The following ARIH1 variants were observed in gnomAD, a reference collection of about 807,000 sequenced individuals.
The protein encoded by ARIH1 is ariadne RBR E3 ubiquitin protein ligase 1.
A neutral mutation model predicts 85.0 loss-of-function variants in ARIH1; 8 were observed. That is an observed-to-expected ratio of 0.09 (90% CI 0.06 to 0.17). ARIH1 has a LOEUF of 0.17. Ranked by LOEUF, ARIH1 falls within the 10% of genes least tolerant of loss-of-function variation. The pLI is 1.00. For synonymous variants in ARIH1, 238 were observed against 253.6 expected (o/e 0.94, Z 0.59); for missense variants, 311 against 718.1 (o/e 0.43, Z 6.48).
chr15:72,528,306 T>C (rs924845055), intron 2 of ARIH1, among the ~76,000 whole-genome samples: 1 of 152,174 alleles, frequency 6.6e-6, no homozygotes, highest in African/African-American at 2.4e-5. Flanking sequence ...AGGATTTCAG[T>C]CTTTCCTGGA....
intron 1 of ARIH1, among the ~76,000 whole-genome samples, chr15:72,510,469 A>G (rs1275078955): frequency 6.6e-6 from 1 of 152,068 alleles, no homozygotes; most frequent in African/African-American, 2.4e-5. Flanking sequence ...AAAAATATGT[A>G]CATCTTAATT....
At chr15:72,574,965 G>A (rs2064263996) in intron 11 of ARIH1, among the ~76,000 whole-genome samples, 2 of 142,368 alleles carry the variant, frequency 1.4e-5, no homozygotes, top group African/African-American at 5.1e-5. Context: ...CATGCATGTT[G>A]GTGTGTGCCT....
At chr15:72,478,477 G>C (rs747611012) in intron 1 of ARIH1, among the ~76,000 whole-genome samples, 1 of 152,160 alleles carries the variant, frequency 6.6e-6, no homozygotes, top group Non-Finnish European at 1.5e-5. Flanking sequence ...AAAGAACCCT[G>C]TTCAATTCTG....
intron 3 of ARIH1, among the ~76,000 whole-genome samples, chr15:72,552,254 C>T (rs969379245): frequency 6.6e-6 from 1 of 152,120 alleles, no homozygotes; most frequent in Non-Finnish European, 1.5e-5. Flanking sequence ...GAGGCAAACC[C>T]ACACCAGTGT....
chr15:72,568,723 C>T (rs10518993), intron 9 of ARIH1, among the ~76,000 whole-genome samples: 1 of 152,046 alleles, frequency 6.6e-6, no homozygotes, highest in African/African-American at 2.4e-5. Flanking sequence ...TGTAGAATGA[C>T]GCATATTTTA....
chr15:72,545,325 A>G (rs1187395807), intron 3 of ARIH1, among the ~76,000 whole-genome samples: 7 of 152,244 alleles, frequency 4.6e-5, no homozygotes, highest in Admixed American at 6.5e-5. Flanking sequence ...TTAAATATCC[A>G]GAAACACTCA....
rs2064342122 is a variant in ARIH1 at position 72,591,242 on chromosome 15, AAGAAG to A, written c.*7952_*7956del. 1 of 142,130 alleles carries A rather than the reference AAGAAG, an allele frequency of 7.0e-6. No homozygotes were observed. The highest frequency in any genetic ancestry group is 2.3e-4 in the South Asian group (1 of 4,266). 8.8% of individuals were successfully genotyped at this position (142,130 alleles called of 1,614,324 possible). A position where few individuals can be genotyped will look rare whatever the true frequency, so the allele number is the denominator to read the frequency against. Reference sequence around the variant, plus strand: ...CTCAAAAAAAAAAAAAAAAAAAAAAAAGAAGAAGAAGAAGAAATACAAAACCAACT... The same window carrying A: ...CTCAAAAAAAAAAAAAAAAAAAAAAAAAGAAGAAGAAATACAAAACCAACT... On this transcript the variant is annotated 3_prime_UTR_variant, in exon 14 of 14. Transcript: ENST00000379887.
At chr15:72,489,996 CTG>C (rs1174560899) in intron 1 of ARIH1, among the ~76,000 whole-genome samples, 3 of 151,938 alleles carry the variant, frequency 2.0e-5, no homozygotes, top group Admixed American at 6.6e-5. Flanking sequence ...ATCAAAAGAA[CTG>C]TGAAAAGGAT....
chr15:72,482,694 T>G (rs1386193132), intron 1 of ARIH1, among the ~76,000 whole-genome samples: 1 of 152,106 alleles, frequency 6.6e-6, no homozygotes. Context: ...ACCCCAAAAC[T>G]TAGTGGCTTA....
chr15:72,533,567 C>A (rs1336230908), intron 2 of ARIH1, among the ~76,000 whole-genome samples: 1 of 151,838 alleles, frequency 6.6e-6, no homozygotes, highest in Non-Finnish European at 1.5e-5. Context: ...TTTCTTTGAC[C>A]CAATAATTCC....
chr15:72,564,847 C>T (rs900450741), intron 7 of ARIH1, among the ~76,000 whole-genome samples: 1 of 151,966 alleles, frequency 6.6e-6, no homozygotes, highest in African/African-American at 2.4e-5. Flanking sequence ...CTCTCTGGGC[C>T]CCTTTTTTTT....
intron 2 of ARIH1, among the ~76,000 whole-genome samples, chr15:72,520,594 G>T (rs574716828): frequency 6.6e-6 from 1 of 151,868 alleles, no homozygotes. Context: ...TTTTCTGTTC[G>T]CTTATTCTGT....
At position 72,546,967 on chromosome 15, in the gene ARIH1, G is replaced by A. The variant is rs1201783332; in HGVS notation, c.588+2003G>A. On this transcript the variant is annotated intron_variant, in intron 3 of 13. Coordinates refer to ENST00000379887, the MANE Select transcript of ARIH1 (RefSeq NM_005744.5). ...GGGTGGGACGGAGTCTTGCTCTGTCGCCCAGGCTGGAGTGCAGTGGTGCGA... is the reference window on the plus strand; with the variant it reads ...GGGTGGGACGGAGTCTTGCTCTGTCACCCAGGCTGGAGTGCAGTGGTGCGA... Among the ~76,000 whole-genome samples, 7 of 149,992 alleles carry A rather than the reference G, an allele frequency of 4.7e-5. No individual in the cohort carries two copies. The South Asian group carries it at 8.4e-4, about 18-fold the overall frequency.
chr15:72,558,801 C>G (rs764210611), intron 5 of ARIH1, among the ~76,000 whole-genome samples: 2 of 152,180 alleles, frequency 1.3e-5, no homozygotes, highest in African/African-American at 2.4e-5. Context: ...GATGTTTGCT[C>G]TCACGTCCTG....
At chr15:72,497,447 C>T (rs1261296155) in intron 1 of ARIH1, among the ~76,000 whole-genome samples, 1 of 83,394 alleles carries the variant, frequency 1.2e-5, no homozygotes, top group Non-Finnish European at 3.5e-5. Context: ...GTTATAATAG[C>T]AATTTCTGGC....
Position 72,543,868 on chromosome 15 carries a change from A to C in ARIH1, c.444-952A>C, listed in dbSNP as rs532210600. ...AAAAGTTTTTTTTTTTTTAATATCT[A>C]TTGCTTTTCCCTTTTGAATAGTAAG... On this transcript the variant is annotated intron_variant, in intron 2 of 13. Transcript: ENST00000379887. Among the ~76,000 whole-genome samples the C allele has an allele frequency of 1.8e-3, 271 of 150,736 alleles. 1 individual carries two copies. Among genetic ancestry groups the C allele is most frequent in the Non-Finnish European group, 2.8e-3 (188 of 67,674 alleles).
At chr15:72,561,320 C>G (rs1310656882) in intron 5 of ARIH1, 163 bp from the exon 6 acceptor site, 14 of 557,988 alleles carry the variant, frequency 2.5e-5, no homozygotes, top group Non-Finnish European at 4.1e-5. Flanking sequence ...TTGTTCTGAT[C>G]AGTACAGTTA....
intron 11 of ARIH1, among the ~76,000 whole-genome samples, chr15:72,579,460 T>C (rs1177613540): frequency 6.6e-6 from 1 of 152,232 alleles, no homozygotes; most frequent in African/African-American, 2.4e-5. Context: ...CACTGTAGTT[T>C]TCTACTTAAA....
intron 2 of ARIH1, among the ~76,000 whole-genome samples, chr15:72,522,790 T>G (rs987730839): frequency 6.6e-6 from 1 of 152,136 alleles, no homozygotes; most frequent in Admixed American, 6.6e-5. Context: ...AAAGAACTCT[T>G]AAAACTCAAC....
Sources: allele counts gnomAD v4.1 joint callset (sites outside exome capture counted in the v4.1 genomes callset), GRCh38; gene constraint gnomAD v4.1.1; transcripts MANE v1.5; gene names NCBI Gene and HGNC (gene_info 2026-07-23, HGNC 2026-07-21).